CBFA2T2: variants seen among roughly 807,000 people sequenced by gnomAD.
CBFA2T2 encodes the protein protein CBFA2T2.
In CBFA2T2, 11 loss-of-function variants were observed where a neutral mutation model predicts 62.2. That is an observed-to-expected ratio of 0.18 (90% CI 0.11 to 0.29). The LOEUF (loss-of-function observed/expected upper bound fraction) is 0.29, where lower values mean the gene tolerates loss of function less well. Ranked by LOEUF, CBFA2T2 falls within the 10% of genes least tolerant of loss-of-function variation. The pLI, the probability that CBFA2T2 is intolerant of heterozygous loss-of-function variation, is 1.00. For synonymous variants in CBFA2T2, 295 were observed against 287.5 expected (o/e 1.03, Z -0.27); for missense variants, 592 against 774.1 (o/e 0.76, Z 2.79).
intron 9 of CBFA2T2, 115 bp from the exon 10 acceptor site, chr20:33,640,226 C>A: frequency 1.1e-6 from 1 of 945,750 alleles, no homozygotes; most frequent in Non-Finnish European, 1.6e-6. Context: ...GTGTTCCTCC[C>A]TGTGGAGTTT....
intron 1 of CBFA2T2, among the ~76,000 whole-genome samples, chr20:33,570,616 T>C (rs1308882238): frequency 6.6e-6 from 1 of 152,200 alleles, no homozygotes; most frequent in Non-Finnish European, 1.5e-5. Flanking sequence ...GCTATAGATA[T>C]TGTCGTCTTG....
chr20:33,631,037 G>A (rs983469147), intron 8 of CBFA2T2, among the ~76,000 whole-genome samples: 5 of 152,096 alleles, frequency 3.3e-5, no homozygotes, highest in East Asian at 3.8e-4. Context: ...AAAACAGGCC[G>A]GGCGTGGTGG....
chr20:33,538,101 CAAATT>C (rs1419006690), intron 1 of CBFA2T2, among the ~76,000 whole-genome samples: 7 of 151,180 alleles, frequency 4.6e-5, no homozygotes, highest in Non-Finnish European at 8.8e-5. Flanking sequence ...TACAAATTAA[CAAATT>C]AAATTAGTGA....
chr20:33,576,735 C>G (rs1339771034), intron 1 of CBFA2T2, among the ~76,000 whole-genome samples: 1 of 152,262 alleles, frequency 6.6e-6, no homozygotes, highest in Admixed American at 6.5e-5. Context: ...ACAGAGCTAA[C>G]AGCTCGACAT....
At chr20:33,548,978 A>G (rs925381301) in intron 1 of CBFA2T2, among the ~76,000 whole-genome samples, 18 of 114,692 alleles carry the variant, frequency 1.6e-4, no homozygotes, top group Admixed American at 5.6e-4. Flanking sequence ...CCATCCGTCC[A>G]TCCATCCATC....
chr20:33,613,804 A>T (rs549881306), intron 3 of CBFA2T2, among the ~76,000 whole-genome samples: 99 of 152,340 alleles, frequency 6.5e-4, no homozygotes, highest in Non-Finnish European at 1.2e-3. Context: ...GAGTAAGGTT[A>T]TTGGAGTTAA....
chr20:33,639,844 G>A (rs925881459), intron 9 of CBFA2T2: 1 of 152,720 alleles, frequency 6.5e-6, no homozygotes, highest in South Asian at 1.9e-4. Flanking sequence ...TGCTGTGATC[G>A]CAACAGTGCA....
At chr20:33,576,351 T>C (rs923334227) in intron 1 of CBFA2T2, among the ~76,000 whole-genome samples, 5 of 152,318 alleles carry the variant, frequency 3.3e-5, no homozygotes, top group African/African-American at 1.2e-4. Flanking sequence ...ATGGCAGACA[T>C]GGATACTTGC....
intron 1 of CBFA2T2, among the ~76,000 whole-genome samples, chr20:33,542,145 G>C (rs1273798510): frequency 2.0e-5 from 3 of 152,142 alleles, no homozygotes; most frequent in Non-Finnish European, 4.4e-5. Flanking sequence ...ATTTAGGCCT[G>C]GGAACCTACA....
chr20:33,536,311 A>G (rs1383337117), intron 1 of CBFA2T2, among the ~76,000 whole-genome samples: 1 of 96,338 alleles, frequency 1.0e-5, no homozygotes, highest in Non-Finnish European at 2.2e-5. Flanking sequence ...GACCCCCCCC[A>G]CCTCCCTCCC....
chr20:33,531,133 A>C (rs2012048957), intron 1 of CBFA2T2, among the ~76,000 whole-genome samples: 1 of 152,184 alleles, frequency 6.6e-6, no homozygotes, highest in Admixed American at 6.5e-5. Flanking sequence ...AGTAGGAGGG[A>C]CGAATTGAGA....
At chr20:33,590,786 G>A (rs1568837811) in intron 1 of CBFA2T2, among the ~76,000 whole-genome samples, 1 of 152,052 alleles carries the variant, frequency 6.6e-6, no homozygotes, top group Non-Finnish European at 1.5e-5. Flanking sequence ...AAAGCTGATG[G>A]GCTGACTGGG....
At chr20:33,501,639 T>TC in intron 1 of CBFA2T2, among the ~76,000 whole-genome samples, 1 of 122,566 alleles carries the variant, frequency 8.2e-6, no homozygotes, top group Non-Finnish European at 1.7e-5. Context: ...CCTTTTTTTT[T>TC]TTTTTTTTTT....
At chr20:33,492,470 G>C (rs896242886) in intron 1 of CBFA2T2, among the ~76,000 whole-genome samples, 3 of 148,206 alleles carry the variant, frequency 2.0e-5, no homozygotes, top group Non-Finnish European at 4.5e-5. Context: ...TTTAAAATAT[G>C]CCCAAAAGCA....
At chr20:33,637,412 G>A (rs147957838) in intron 9 of CBFA2T2, among the ~76,000 whole-genome samples, 48 of 152,252 alleles carry the variant, frequency 3.2e-4, no homozygotes, top group African/African-American at 1.1e-3. Flanking sequence ...CATCTAGACA[G>A]TAGTAAACAA....
intron 1 of CBFA2T2, among the ~76,000 whole-genome samples, chr20:33,497,321 C>T (rs1359153065): frequency 7.0e-6 from 1 of 143,498 alleles, no homozygotes; most frequent in Admixed American, 7.0e-5. Flanking sequence ...TTCTGTGTGA[C>T]ATCCTCCATG....
At chr20:33,576,740 C>T (rs537974377) in intron 1 of CBFA2T2, among the ~76,000 whole-genome samples, 3 of 152,396 alleles carry the variant, frequency 2.0e-5, no homozygotes, top group South Asian at 2.1e-4. Flanking sequence ...GCTAACAGCT[C>T]GACATCTGCA....
intron 1 of CBFA2T2, among the ~76,000 whole-genome samples, chr20:33,504,502 A>C (rs1310605065): frequency 1.4e-5 from 2 of 148,018 alleles, no homozygotes; most frequent in South Asian, 4.2e-4. Flanking sequence ...TCCTGAGTTT[A>C]AGCAAATTCT....
rs2017156519 is a variant in CBFA2T2, at chr20:33,649,106, G to C, written c.*4460G>C. On this transcript the variant is annotated 3_prime_UTR_variant, in exon 11 of 11. Coordinates refer to ENST00000342704, the MANE Select transcript of CBFA2T2 (RefSeq NM_001032999.3). ...CTTCTTGGAGGCTTTCTTCAGAACT[G>C]AACTAGAAACAAGGTTTCCAGGCTC... The C allele has an allele frequency of 6.6e-6, 1 of 152,098 alleles. No individual in the cohort carries two copies. Among genetic ancestry groups the C allele is most frequent in the Non-Finnish European group, 1.5e-5 (1 of 68,024 alleles). 9.4% of individuals were successfully genotyped at this position (152,098 alleles called of 1,614,324 possible).
Sources: gnomAD v4.1 joint callset for allele counts (sites outside exome capture counted in the v4.1 genomes callset) on GRCh38, gnomAD v4.1.1 for gene constraint, MANE v1.5 for transcripts, NCBI Gene and HGNC (gene_info 2026-07-23, HGNC 2026-07-21) for gene names.